Variants in XPO4 observed in about 807,000 individuals in gnomAD.
XPO4 encodes the protein exportin-4.
Under a neutral mutation model 143.0 loss-of-function variants are expected in XPO4, and 39 were observed. The ratio of observed to expected loss-of-function variants is 0.27; its 90% CI spans 0.21 to 0.36. The LOEUF is 0.36. Ranked by LOEUF, XPO4 falls within the 10% of genes least tolerant of loss-of-function variation. XPO4 has a pLI of 1.00. For missense variants in XPO4, 907 were observed against 1,348.0 expected, an observed-to-expected ratio of 0.67 and a Z score of 5.12; for synonymous variants, 439 against 474.0, an observed-to-expected ratio of 0.93 and a Z score of 0.96.
Position 20,855,799 on chromosome 13 carries a change from C to T in XPO4, c.318-34G>A, listed in dbSNP as rs371837651. 36 of 1,546,906 alleles carry T rather than the reference C, an allele frequency of 2.3e-5. No homozygotes were observed. In the African/African-American group the frequency reaches 4.8e-4, roughly 21 times the overall value. ...CATAAAAATCATTGTGAAAAATTTACCTAAATCTAATACAAGAATACTCCC... is the reference window on the plus strand; with the variant it reads ...CATAAAAATCATTGTGAAAAATTTATCTAAATCTAATACAAGAATACTCCC... On this transcript the variant is annotated intron_variant, in intron 3 of 22. Coordinates refer to ENST00000255305, the MANE Select transcript of XPO4 (RefSeq NM_022459.5).
chr13:20,873,897 T>C lies in XPO4; in HGVS notation c.70-5196A>G, dbSNP rs901949177. On this transcript the variant is annotated intron_variant, in intron 1 of 22. Transcript: ENST00000255305. ...TTAACAACAACATCTACTACTTATT[T>C]GCCAGGCAGAAGGCTAAATACTTTA... 5.3e-5 allele frequency among the ~76,000 whole-genome samples: 8 copies of C among 152,346 alleles called. No homozygotes were observed. The East Asian group carries it at 1.5e-3, about 29-fold the overall frequency.
intron 7 of XPO4, 77 bp from the exon 8 acceptor site, chr13:20,822,366 G>A: frequency 7.7e-7 from 1 of 1,296,744 alleles, no homozygotes; most frequent in South Asian, 1.9e-5. Flanking sequence ...GCCGAATGAG[G>A]TAAGACAAAA....
chr13:20,783,768 A>G lies in XPO4; in HGVS notation c.3410T>C (p.Leu1137Ser). The G allele has an allele frequency of 6.2e-7, 1 of 1,614,234 alleles. No individual in the cohort carries two copies. The highest frequency in any genetic ancestry group is 8.5e-7 in the Non-Finnish European group (1 of 1,180,034). Residue 1137 changes from leucine to serine, a missense_variant, in exon 23 of 23, where the codon TTA (leucine) becomes TCA (serine). Transcript: ENST00000255305. Reference sequence around the variant, plus strand: ...ACCAACATTTGCCATAAATTCTTCTAAACTCTTTAAGAAGGCCATCTTCTG... The same window carrying G: ...ACCAACATTTGCCATAAATTCTTCTGAACTCTTTAAGAAGGCCATCTTCTG... ...RKQKMAFLKS[L>S]EEFMANVGGL...
Position 20,779,175 on chromosome 13 carries a change from G to A in XPO4, c.*4547C>T, listed in dbSNP as rs1595038625. ...TTTATAAATTTAAAAAATTTTACAC[G>A]TGCTGAGTGGTAGCAGTGCTAACAT... On this transcript the variant is annotated 3_prime_UTR_variant, in exon 23 of 23. Coordinates refer to ENST00000255305, the MANE Select transcript of XPO4 (RefSeq NM_022459.5). The A allele has an allele frequency of 6.6e-6, 1 of 152,388 alleles. No individual in the cohort carries two copies. 9.4% of individuals were successfully genotyped at this position (152,388 alleles called of 1,614,324 possible).
chr13:20,869,497 T>A (rs2060274050), intron 1 of XPO4: 1 of 967,124 alleles, frequency 1.0e-6, no homozygotes, highest in Admixed American at 6.2e-5. Context: ...AAAATAAACC[T>A]TTATTATTCA....
intron 9 of XPO4, among the ~76,000 whole-genome samples, chr13:20,820,254 T>C (rs1475111534): frequency 6.6e-6 from 1 of 152,252 alleles, no homozygotes; most frequent in Non-Finnish European, 1.5e-5. Context: ...AACACTCCTA[T>C]GTCAAATCTT....
chr13:20,786,880 G>A, intron 22 of XPO4, 85 bp downstream of exon 22: 1 of 1,068,072 alleles, frequency 9.4e-7, no homozygotes, highest in Non-Finnish European at 1.3e-6. Flanking sequence ...CCTATAAGGG[G>A]GGATTAATGA....
intron 6 of XPO4, among the ~76,000 whole-genome samples, chr13:20,839,744 A>C (rs1282224071): frequency 6.6e-6 from 1 of 152,180 alleles, no homozygotes; most frequent in African/African-American, 2.4e-5. Flanking sequence ...ACACTTTGGC[A>C]GGCCAAGGTG....
rs900065543 is a variant in XPO4 at position 20,779,722 on chromosome 13, T to C, written c.*4000A>G. The C allele has an allele frequency of 6.6e-6, 1 of 152,642 alleles. No homozygotes were observed. Among genetic ancestry groups the C allele is most frequent in the Non-Finnish European group, 1.5e-5 (1 of 68,044 alleles). The allele number at this position is 152,642 out of a possible 1,614,324, so 9.5% of individuals were successfully genotyped here. A position where few individuals can be genotyped will look rare whatever the true frequency, so the allele number is the denominator to read the frequency against. ...TTCTTCATTCATTCTCTTTAAAAAG[T>C]ATGAATGCCCAGTATTAAGCTTCTA... On this transcript the variant is annotated 3_prime_UTR_variant, in exon 23 of 23. Coordinates refer to ENST00000255305, the MANE Select transcript of XPO4 (RefSeq NM_022459.5).
At chr13:20,895,056 TAGTCCC>T (rs1343817607) in intron 1 of XPO4, among the ~76,000 whole-genome samples, 1 of 150,918 alleles carries the variant, frequency 6.6e-6, no homozygotes, top group Non-Finnish European at 1.5e-5. Flanking sequence ...CGTGCACCTG[TAGTCCC>T]AGCTACTCTA....
chr13:20,799,398 C>T, intron 15 of XPO4, 59 bp from the exon 16 acceptor site: 2 of 1,325,610 alleles, frequency 1.5e-6, no homozygotes, highest in South Asian at 3.7e-5. Context: ...TACACACATA[C>T]ACATATACAC....
chr13:20,841,125 G>GT (rs1316501733), intron 6 of XPO4, among the ~76,000 whole-genome samples: 2 of 152,112 alleles, frequency 1.3e-5, no homozygotes, highest in East Asian at 3.8e-4. Flanking sequence ...TATATGCAGT[G>GT]TAACTTTTGT....
intron 1 of XPO4, among the ~76,000 whole-genome samples, chr13:20,869,875 C>T (rs1207503134): frequency 2.0e-5 from 3 of 151,846 alleles, no homozygotes; most frequent in African/African-American, 2.4e-5. Flanking sequence ...GAGGCCAAGG[C>T]GGGAGGATAA....
chr13:20,894,831 T>G (rs953139092), intron 1 of XPO4, among the ~76,000 whole-genome samples: 12 of 127,300 alleles, frequency 9.4e-5, no homozygotes, highest in Admixed American at 1.7e-4. Flanking sequence ...GCAACAAGAG[T>G]GAAACTTCAT....
chr13:20,817,148 G>A (rs955746829), intron 9 of XPO4, among the ~76,000 whole-genome samples: 6 of 152,162 alleles, frequency 3.9e-5, no homozygotes, highest in African/African-American at 7.2e-5. Context: ...TACACTGTAC[G>A]GACACAACCA....
At chr13:20,852,658 G>T in intron 4 of XPO4, 1 of 970,436 alleles carries the variant, frequency 1.0e-6, no homozygotes, top group Non-Finnish European at 1.2e-6. Flanking sequence ...TAATGATTAT[G>T]AATATTTATG....
intron 1 of XPO4, among the ~76,000 whole-genome samples, chr13:20,883,101 G>A (rs1595160471): frequency 6.6e-6 from 1 of 152,096 alleles, no homozygotes; most frequent in African/African-American, 2.4e-5. Context: ...ATCCCGCCCT[G>A]CCCTTGCAGG....
At chr13:20,843,561 T>TA (rs1193916014) in intron 5 of XPO4, among the ~76,000 whole-genome samples, 1 of 152,242 alleles carries the variant, frequency 6.6e-6, no homozygotes, top group Non-Finnish European at 1.5e-5. Flanking sequence ...GTATTGTTTT[T>TA]AAGACTAGAA....
At position 20,855,668 on chromosome 13, in the gene XPO4, GA is replaced by G; in HGVS notation, c.414del (p.His139MetfsTer6). 1 of 1,612,096 alleles carries G rather than the reference GA, an allele frequency of 6.2e-7. No homozygotes were observed. The highest frequency in any genetic ancestry group is 8.5e-7 in the Non-Finnish European group (1 of 1,179,574). On this transcript the variant is annotated frameshift_variant, in exon 4 of 23. Coordinates refer to ENST00000255305, the MANE Select transcript of XPO4 (RefSeq NM_022459.5). LOFTEE classifies it high-confidence loss of function. ...LDKSIDCKSI[F>X]HEVSQLISSG... is the part of the protein sequence containing the mutation. ...CTACTAATCAACTGGCTGACTTCAT[GA>G]AAAATGCTTTTGCAGTCAATTGATT...
Sources: allele counts gnomAD v4.1 joint callset (sites outside exome capture counted in the v4.1 genomes callset), GRCh38; gene constraint gnomAD v4.1.1; transcripts MANE v1.5; gene names NCBI Gene and HGNC (gene_info 2026-07-23, HGNC 2026-07-21).